Variants in TRIB3 observed in about 807,000 individuals in gnomAD.
TRIB3 encodes the protein tribbles homolog 3.
Under a neutral mutation model 16.6 loss-of-function variants are expected in TRIB3, and 20 were observed. That is an observed-to-expected ratio of 1.20 (90% CI 0.85 to 1.75). The LOEUF (loss-of-function observed/expected upper bound fraction) is 1.75, where lower values mean the gene tolerates loss of function less well. TRIB3 is among the 40% of genes most tolerant of loss of function. The pLI, the probability that TRIB3 is intolerant of heterozygous loss-of-function variation, is 0.00. For synonymous variants in TRIB3, 208 were observed against 217.0 expected (o/e 0.96, Z 0.36); for missense variants, 484 against 488.9 (o/e 0.99, Z 0.10).
In TRIB3 at chr20:388,296, T is replaced by G. The variant is rs1346971425; in HGVS notation, c.286T>G (p.Cys96Gly). The change falls in exon 2 of 4, where the codon TGC (cysteine) becomes GGC (glycine). Residue 96 changes from cysteine (C) to glycine (G), a missense_variant. By Grantham distance (159) the Cys-to-Gly change is radical (BLOSUM62 -3). Transcript: ENST00000217233. ...LHCPTGTEYT[C>G]KVYPVQEALA... The stretch of plus-strand genomic sequence containing the variant: ...CTGCCCTACAGGCACTGAGTATACC[T>G]GCAAGGTACGTGCCCATGGGCGGCT... 1 of 1,607,002 alleles carries G rather than the reference T, an allele frequency of 6.2e-7. No homozygotes were observed. Among genetic ancestry groups the G allele is most frequent in the East Asian group, 2.2e-5 (1 of 44,702 alleles).
chr20:391,001 C>CAAAA lies in TRIB3; in HGVS notation c.292-266_292-263dup, dbSNP rs11374668. ...TGGGTGACAGAGCGAGACTCCGTCT[C>CAAAA]AAAAAAAAAAAAAAAAAAAAAAAGC... On this transcript the variant is annotated intron_variant, in intron 2 of 3. Coordinates refer to ENST00000217233, the MANE Select transcript of TRIB3 (RefSeq NM_021158.5). 5.7e-3 allele frequency among the ~76,000 whole-genome samples: 489 copies of CAAAA among 85,626 alleles called. 18 individuals carry two copies. The highest frequency in any genetic ancestry group is 0.018 in the South Asian group (49 of 2,672). 56.2% of individuals were successfully genotyped at this position (85,626 alleles called of 152,430 possible).
chr20:386,178 A>G (rs2014801583), intron 1 of TRIB3, among the ~76,000 whole-genome samples: 1 of 151,882 alleles, frequency 6.6e-6, no homozygotes, highest in Admixed American at 6.6e-5. Flanking sequence ...ACGTGATTTT[A>G]TTACTCATCT....
At chr20:382,864 G>T (rs1402542706) in intron 1 of TRIB3, among the ~76,000 whole-genome samples, 1 of 152,168 alleles carries the variant, frequency 6.6e-6, no homozygotes, top group African/African-American at 2.4e-5. Flanking sequence ...TCACTCATGT[G>T]GGGAGGCCTT....
chr20:395,812 T>C (rs866728130), intron 3 of TRIB3, among the ~76,000 whole-genome samples: 32 of 151,962 alleles, frequency 2.1e-4, no homozygotes, highest in Middle Eastern at 3.2e-3. Flanking sequence ...GTGTACCCTT[T>C]TTAGGTAGCG....
intron 2 of TRIB3, among the ~76,000 whole-genome samples, chr20:390,048 C>T (rs149816323): frequency 4.7e-4 from 71 of 152,238 alleles, no homozygotes; most frequent in Middle Eastern, 6.8e-3. Flanking sequence ...GTCAGGTGGC[C>T]GGGCGCGGTG....
Position 390,758 on chromosome 20 carries a change from T to C in TRIB3, c.292-529T>C, listed in dbSNP as rs190725454. Among the ~76,000 whole-genome samples, 394 of 152,176 alleles carry C rather than the reference T, an allele frequency of 2.6e-3. 1 individual carries two copies. Among genetic ancestry groups the C allele is most frequent in the African/African-American group, 9.0e-3 (373 of 41,522 alleles). On this transcript the variant is annotated intron_variant, in intron 2 of 3. Coordinates refer to ENST00000217233, the MANE Select transcript of TRIB3 (RefSeq NM_021158.5). ...GGCTCACACCTGTAATCCCAGCCCT[T>C]TGGAAGGCTGAGGCGGGAGGATCAC...
At position 391,361 on chromosome 20, in the gene TRIB3, G is replaced by C. The variant is rs1289393447; in HGVS notation, c.366G>C (p.Arg122=). 6.2e-7 allele frequency: 1 copy of C among 1,613,430 alleles called. No homozygotes were observed. ...TGCCCCCGCACAAGCATGTGGCTCG[G>C]CCCACTGAGGTCCTGGCTGGTACCC... ...ARLPPHKHVA[R]PTEVLAGTQL... is the part of the protein sequence containing the mutation. Residue 122 remains arginine (R), a synonymous_variant, in exon 3 of 4, where the codon CGG becomes CGC. Coordinates refer to ENST00000217233, the MANE Select transcript of TRIB3 (RefSeq NM_021158.5).
intron 1 of TRIB3, among the ~76,000 whole-genome samples, chr20:383,297 T>C (rs1213213968): frequency 1.3e-5 from 2 of 152,240 alleles, no homozygotes; most frequent in Non-Finnish European, 2.9e-5. Flanking sequence ...AGCCCTGTAA[T>C]TATAGACAGC....
intron 3 of TRIB3, among the ~76,000 whole-genome samples, chr20:392,036 G>C (rs1266866473): frequency 6.7e-6 from 1 of 150,370 alleles, no homozygotes; most frequent in Non-Finnish European, 1.5e-5. Flanking sequence ...AAAAAAAAAA[G>C]AGTTGACTCA....
At chr20:382,410 C>A in intron 1 of TRIB3, 1 of 956,028 alleles carries the variant, frequency 1.0e-6, no homozygotes. Flanking sequence ...CAGAGGGACT[C>A]CAGGCAGTCT....
intron 3 of TRIB3, among the ~76,000 whole-genome samples, chr20:395,162 CT>C (rs11470607): frequency 0.39 from 56,049 of 145,240 alleles, 10,410 homozygotes; most frequent in Middle Eastern, 0.49. Context: ...GCAGGACACA[CT>C]TTTTTTTTTT....
At position 391,360 on chromosome 20, in the gene TRIB3, G is replaced by A. The variant is rs781292921; in HGVS notation, c.365G>A (p.Arg122Gln). Residue 122 changes from arginine (R) to glutamine (Q), a missense_variant, in exon 3 of 4, where the codon CGG becomes CAG. Transcript: ENST00000217233. Reference sequence around the variant, plus strand: ...CTGCCCCCGCACAAGCATGTGGCTCGGCCCACTGAGGTCCTGGCTGGTACC... The same window carrying A: ...CTGCCCCCGCACAAGCATGTGGCTCAGCCCACTGAGGTCCTGGCTGGTACC... ...ARLPPHKHVA[R>Q]PTEVLAGTQL... 8.7e-6 allele frequency: 14 copies of A among 1,613,266 alleles called. No individual in the cohort carries two copies. The highest frequency in any genetic ancestry group is 6.6e-5 in the South Asian group (6 of 91,086).
Position 391,268 on chromosome 20 carries a change from C to T in TRIB3, c.292-19C>T, listed in dbSNP as rs748239642. The stretch of plus-strand genomic sequence containing the variant: ...TCCCGGGAGTCCCCAGCTGTGCTAA[C>T]ACCATGCTCTGCCCACAGGTGTACC... On this transcript the variant is annotated intron_variant, in intron 2 of 3. Transcript: ENST00000217233. 3.1e-6 allele frequency: 5 copies of T among 1,607,554 alleles called. No individual in the cohort carries two copies. In the Admixed American group the frequency reaches 5.0e-5, roughly 16 times the overall value.
chr20:387,040 C>T (rs1250314392), intron 1 of TRIB3, among the ~76,000 whole-genome samples: 4 of 152,252 alleles, frequency 2.6e-5, no homozygotes, highest in Admixed American at 2.0e-4. Context: ...CGTGAGCCAC[C>T]ACGCCTGGCC....
chr20:389,673 G>A (rs2014919406), intron 2 of TRIB3, among the ~76,000 whole-genome samples: 2 of 152,130 alleles, frequency 1.3e-5, no homozygotes, highest in South Asian at 2.1e-4. Flanking sequence ...CGCTGGGGAG[G>A]TGAGTCCATG....
At position 385,540 on chromosome 20, in the gene TRIB3, G is replaced by A. The variant is rs141769415; in HGVS notation, c.1-2471G>A. On this transcript the variant is annotated intron_variant, in intron 1 of 3. Coordinates refer to ENST00000217233, the MANE Select transcript of TRIB3 (RefSeq NM_021158.5). Reference sequence around the variant, plus strand: ...ACCCCAGAACAGGGGTTACTGGACAGCGGCATCAACTTCACCTGGGAACTG... The same window carrying A: ...ACCCCAGAACAGGGGTTACTGGACAACGGCATCAACTTCACCTGGGAACTG... 66 of 152,014 alleles carry A rather than the reference G, an allele frequency of 4.3e-4. 1 individual carries two copies. Among genetic ancestry groups the A allele is most frequent in the African/African-American group, 1.4e-3 (57 of 41,426 alleles). 9.4% of individuals were successfully genotyped at this position (152,014 alleles called of 1,614,324 possible).
rs1240022069 is a variant in TRIB3 at position 396,572 on chromosome 20, T to C, written c.959T>C (p.Met320Thr). Reference sequence around the variant, plus strand: ...CACCCCTGGCTGCGACAGGACCCGATGCCCTTAGCCCCAACCCGATCCCAT... The same window carrying C: ...CACCCCTGGCTGCGACAGGACCCGACGCCCTTAGCCCCAACCCGATCCCAT... ...LLHPWLRQDP[M>T]PLAPTRSHLW... Residue 320 changes from methionine (M) to threonine (T), a missense_variant, in exon 4 of 4, where the codon ATG becomes ACG. Transcript: ENST00000217233. 1.2e-6 allele frequency: 2 copies of C among 1,613,128 alleles called. No homozygotes were observed. The highest frequency in any genetic ancestry group is 1.7e-4 in the Middle Eastern group (1 of 6,060).
At chr20:382,124 T>TGTGTGTGTGC (rs1328381663) in intron 1 of TRIB3, among the ~76,000 whole-genome samples, 157 of 115,462 alleles carry the variant, frequency 1.4e-3, no homozygotes, top group African/African-American at 4.9e-3. Flanking sequence ...TGTGTGTGTG[T>TGTGTGTGTGC]GTGCGTGCGC....
intron 3 of TRIB3, among the ~76,000 whole-genome samples, chr20:394,285 G>C (rs1270332836): frequency 1.3e-5 from 2 of 152,152 alleles, no homozygotes; most frequent in African/African-American, 4.8e-5. Flanking sequence ...AAAGTGCTGG[G>C]ATTATAGGCA....
Sources: gnomAD v4.1 joint callset for allele counts (sites outside exome capture counted in the v4.1 genomes callset) on GRCh38, gnomAD v4.1.1 for gene constraint, MANE v1.5 for transcripts, NCBI Gene and HGNC (gene_info 2026-07-23, HGNC 2026-07-21) for gene names.